Variants in POMT2 observed in about 807,000 individuals in gnomAD.
The protein encoded by POMT2 is protein O-mannosyltransferase 2.
A neutral mutation model predicts 100.0 loss-of-function variants in POMT2; 75 were observed. The observed-to-expected ratio is 0.75, with a 90% confidence interval of 0.62 to 0.91. POMT2 has a LOEUF of 0.91. Ranked by LOEUF, POMT2 falls within the 40% of genes least tolerant of loss-of-function variation. The pLI, the probability that POMT2 is intolerant of heterozygous loss-of-function variation, is 0.00. For synonymous variants in POMT2, 378 were observed against 374.1 expected (o/e 1.01, Z -0.12); for missense variants, 940 against 955.1 (o/e 0.98, Z 0.21).
At chr14:77,300,570 C>G (rs553792530) in intron 6 of POMT2, 1 of 171,268 alleles carries the variant, frequency 5.8e-6, no homozygotes, top group Non-Finnish European at 1.3e-5. Context: ...CTGTAATCCC[C>G]GCACTTTGGG....
chr14:77,306,096 A>AG, intron 3 of POMT2: 1 of 521,448 alleles, frequency 1.9e-6, no homozygotes, highest in East Asian at 4.8e-5. Context: ...AGCAGGTGAC[A>AG]ATGCGTGCCT....
chr14:77,290,372 G>A (rs188920996), intron 10 of POMT2, among the ~76,000 whole-genome samples: 197 of 152,288 alleles, frequency 1.3e-3, no homozygotes, highest in African/African-American at 4.7e-3. Context: ...CAATGGTGTC[G>A]TAATTTATCC....
intron 2 of POMT2, among the ~76,000 whole-genome samples, chr14:77,307,797 C>T (rs1891277190): frequency 6.6e-6 from 1 of 151,780 alleles, no homozygotes; most frequent in Non-Finnish European, 1.5e-5. Context: ...TTGGAAGACA[C>T]TCAAAATTCA....
intron 2 of POMT2, 108 bp downstream of exon 2, chr14:77,311,840 CA>C: frequency 6.7e-7 from 1 of 1,485,498 alleles, no homozygotes; most frequent in Non-Finnish European, 9.0e-7. Flanking sequence ...ATTCTTTCTA[CA>C]AGTCCCAAAT....
At chr14:77,291,281 A>G (rs777808375) in intron 10 of POMT2, 33 bp downstream of exon 10, 1 of 1,602,452 alleles carries the variant, frequency 6.2e-7, no homozygotes, top group Non-Finnish European at 8.5e-7. Context: ...AGGGAGTAAC[A>G]GCACAAGAAG....
chr14:77,275,988 T>C lies in POMT2; in HGVS notation c.*1388A>G. 1 of 152,522 alleles carries C rather than the reference T, an allele frequency of 6.6e-6. No individual in the cohort carries two copies. Among genetic ancestry groups the C allele is most frequent in the East Asian group, 1.9e-4 (1 of 5,196 alleles). 9.4% of individuals were successfully genotyped at this position (152,522 alleles called of 1,614,324 possible). A position where few individuals can be genotyped will look rare whatever the true frequency, so the allele number is the denominator to read the frequency against. ...GCCTCCTGAAGATGCTTTAAAGAGA[T>C]CTGACCCTGTCAGAGTTGTTGGGAG... On this transcript the variant is annotated 3_prime_UTR_variant, in exon 21 of 21. Coordinates refer to ENST00000261534, the MANE Select transcript of POMT2 (RefSeq NM_013382.7).
At chr14:77,307,632 T>C (rs964048859) in intron 2 of POMT2, among the ~76,000 whole-genome samples, 1 of 152,096 alleles carries the variant, frequency 6.6e-6, no homozygotes, top group African/African-American at 2.4e-5. Context: ...AGAGAAGAAA[T>C]GTACAGATGC....
At position 77,275,000 on chromosome 14, in the gene POMT2, A is replaced by G. The variant is rs1396210600; in HGVS notation, c.*2376T>C. The stretch of plus-strand genomic sequence containing the variant: ...ATTATAAAATCAGTGGCTTCTGATT[A>G]GAAGACTTTTTTTTTTTAAACCAAA... On this transcript the variant is annotated 3_prime_UTR_variant, in exon 21 of 21. Transcript: ENST00000261534. 6.6e-6 allele frequency: 1 copy of G among 152,152 alleles called. No individual in the cohort carries two copies. Among genetic ancestry groups the G allele is most frequent in the Non-Finnish European group, 1.5e-5 (1 of 68,026 alleles). 9.4% of individuals were successfully genotyped at this position (152,152 alleles called of 1,614,324 possible). A position where few individuals can be genotyped will look rare whatever the true frequency, so the allele number is the denominator to read the frequency against.
rs149875722 is a variant in POMT2 at position 77,299,076 on chromosome 14, G to A, written c.924-305C>T. On this transcript the variant is annotated intron_variant, in intron 7 of 20. Transcript: ENST00000261534. ...AAATGAGATAATGTGTACAAAATGC[G>A]GAACACAGTTCCTGATTCTCAGTAG... Among the ~76,000 whole-genome samples, 22 of 152,300 alleles carry A rather than the reference G, an allele frequency of 1.4e-4. No individual in the cohort carries two copies. The East Asian group carries it at 2.5e-3, about 17-fold the overall frequency.
At chr14:77,313,138 T>C (rs1469371775) in intron 1 of POMT2, among the ~76,000 whole-genome samples, 1 of 152,236 alleles carries the variant, frequency 6.6e-6, no homozygotes, top group African/African-American at 2.4e-5. Flanking sequence ...TTTCTCCCTG[T>C]AGCTCAAAAG....
chr14:77,316,435 A>C (rs1389090576), intron 1 of POMT2, among the ~76,000 whole-genome samples: 1 of 151,940 alleles, frequency 6.6e-6, no homozygotes, highest in Admixed American at 6.6e-5. Context: ...TTAGCTGGAC[A>C]TGGTGGCACG....
intron 8 of POMT2, chr14:77,296,588 A>C: frequency 2.9e-6 from 1 of 340,252 alleles, no homozygotes; most frequent in South Asian, 2.9e-5. Flanking sequence ...CATGGATTCA[A>C]TGGAATAAAG....
Position 77,276,471 on chromosome 14 carries a change from A to G in POMT2, c.*905T>C, listed in dbSNP as rs912222368. On this transcript the variant is annotated 3_prime_UTR_variant, in exon 21 of 21. Transcript: ENST00000261534. Reference sequence around the variant, plus strand: ...TGTCTCTCATCTACCTTGGGCGCTAAGCAAGGTTCCCATGGGCTCTCCCAG... The same window carrying G: ...TGTCTCTCATCTACCTTGGGCGCTAGGCAAGGTTCCCATGGGCTCTCCCAG... 9 of 152,586 alleles carry G rather than the reference A, an allele frequency of 5.9e-5. No homozygotes were observed. The highest frequency in any genetic ancestry group is 2.2e-4 in the African/African-American group (9 of 41,466). 9.5% of individuals were successfully genotyped at this position (152,586 alleles called of 1,614,324 possible). A position where few individuals can be genotyped will look rare whatever the true frequency, so the allele number is the denominator to read the frequency against.
In POMT2 at chr14:77,285,417, C is replaced by T. The variant is rs557549830; in HGVS notation, c.1484+64G>A. 3.7e-3 allele frequency: 5,906 copies of T among 1,599,442 alleles called. 25 individuals carry two copies. Among genetic ancestry groups the T allele is most frequent in the Non-Finnish European group, 4.6e-3 (5,362 of 1,167,838 alleles). On this transcript the variant is annotated intron_variant, in intron 13 of 20. Coordinates refer to ENST00000261534, the MANE Select transcript of POMT2 (RefSeq NM_013382.7). The stretch of plus-strand genomic sequence containing the variant: ...CAGGAAAACAAAAGCTTCTGGCATA[C>T]TCCTTGTAGAGTGAAAGGAAAATCA...
In POMT2 at chr14:77,301,327, T is replaced by C. The variant is rs1891033187; in HGVS notation, c.657-78A>G. The C allele has an allele frequency of 4.5e-6, 7 of 1,567,966 alleles. No individual in the cohort carries two copies. In the South Asian group the frequency reaches 7.9e-5, roughly 18 times the overall value. On this transcript the variant is annotated intron_variant, in intron 5 of 20. Coordinates refer to ENST00000261534, the MANE Select transcript of POMT2 (RefSeq NM_013382.7). ...GCAAGCGCAGCAGGGGACAGGGCAG[T>C]TCTCAGACTTGGAGCGGCTGTGCTG...
In POMT2 at chr14:77,311,994, A is replaced by G. The variant is rs2139518411; in HGVS notation, c.288T>C (p.Tyr96=). 1 of 1,614,174 alleles carries G rather than the reference A, an allele frequency of 6.2e-7. No homozygotes were observed. ...ETHFGKMGSY[Y]INRTFFFDVH... ...CATCAAAGAAAAATGTACGGTTGAT[A>G]TAGTAACTTCCCATTTTTCCAAAGT... The change falls in exon 2 of 21, where the codon TAT becomes TAC. Residue 96 remains tyrosine, a synonymous_variant. Transcript: ENST00000261534.
chr14:77,286,877 T>C, intron 11 of POMT2, 55 bp from the exon 12 acceptor site: 2 of 1,613,050 alleles, frequency 1.2e-6, no homozygotes, highest in Non-Finnish European at 8.5e-7. Flanking sequence ...ATGTGCAACA[T>C]TTCTTCTTTT....
intron 20 of POMT2, among the ~76,000 whole-genome samples, chr14:77,278,084 G>A (rs1890043099): frequency 6.6e-6 from 1 of 152,210 alleles, no homozygotes; most frequent in Non-Finnish European, 1.5e-5. Flanking sequence ...CCCCCTCTGA[G>A]AGCTGTTCTG....
chr14:77,284,282 G>A (rs1203144964), intron 14 of POMT2: 16 of 304,856 alleles, frequency 5.2e-5, no homozygotes, highest in East Asian at 8.1e-5. Flanking sequence ...TGTCGGGATG[G>A]GGACCAAGTC....
Sources: allele counts gnomAD v4.1 joint callset (sites outside exome capture counted in the v4.1 genomes callset), GRCh38; gene constraint gnomAD v4.1.1; transcripts MANE v1.5; gene names NCBI Gene and HGNC (gene_info 2026-07-23, HGNC 2026-07-21).